FAM168A: variants seen among roughly 807,000 people sequenced by gnomAD.
The protein encoded by FAM168A is protein FAM168A.
A neutral mutation model predicts 28.5 loss-of-function variants in FAM168A; 3 were observed. The ratio of observed to expected loss-of-function variants is 0.11; its 90% CI spans 0.05 to 0.27. FAM168A has a LOEUF of 0.27. Ranked by LOEUF, FAM168A falls within the 10% of genes least tolerant of loss-of-function variation. The pLI is 1.00. For missense variants in FAM168A, 222 were observed against 311.5 expected (o/e 0.71, Z 2.16); for synonymous variants, 122 against 124.2 (o/e 0.98, Z 0.12).
At chr11:73,529,672 G>A (rs1026398449) in intron 1 of FAM168A, among the ~76,000 whole-genome samples, 4 of 152,134 alleles carry the variant, frequency 2.6e-5, no homozygotes, top group Admixed American at 1.3e-4. Context: ...AGAGCTTCTA[G>A]GGAGGATGCC....
chr11:73,455,649 C>T lies in FAM168A; in HGVS notation c.70+12756G>A, dbSNP rs562619356. Among the ~76,000 whole-genome samples, 139 of 152,288 alleles carry T rather than the reference C, an allele frequency of 9.1e-4. 2 individuals carry two copies. The South Asian group carries it at 0.028, about 31-fold the overall frequency. On this transcript the variant is annotated intron_variant, in intron 2 of 7. Transcript: ENST00000356467. ...ACCATAAACAAAGAACACACAATCA[C>T]TGTGTGTATGAGTCTTTATAAAACT... is the stretch of plus-strand genomic sequence containing the variant.
chr11:73,543,910 G>C (rs1246787323), intron 1 of FAM168A, among the ~76,000 whole-genome samples: 2 of 152,044 alleles, frequency 1.3e-5, no homozygotes, highest in African/African-American at 4.8e-5. Flanking sequence ...AGGAAGATCT[G>C]CTCAAGCCCA....
intron 2 of FAM168A, among the ~76,000 whole-genome samples, chr11:73,462,300 G>A (rs1015282035): frequency 5.9e-5 from 9 of 152,140 alleles, no homozygotes; most frequent in Non-Finnish European, 1.0e-4. Context: ...CCTGACACAC[G>A]GATGAAACCT....
intron 1 of FAM168A, among the ~76,000 whole-genome samples, chr11:73,530,469 T>A (rs532838400): frequency 2.6e-5 from 4 of 152,258 alleles, no homozygotes; most frequent in African/African-American, 7.2e-5. Flanking sequence ...GCAGCGACTC[T>A]CCAGGTTCTG....
At chr11:73,565,542 G>T (rs968237173) in intron 1 of FAM168A, among the ~76,000 whole-genome samples, 3 of 152,170 alleles carry the variant, frequency 2.0e-5, no homozygotes, top group Non-Finnish European at 2.9e-5. Flanking sequence ...TCTGTAAAAT[G>T]GGAAACATTA....
chr11:73,439,079 T>C (rs909615824), intron 2 of FAM168A, among the ~76,000 whole-genome samples: 46 of 151,944 alleles, frequency 3.0e-4, no homozygotes, highest in African/African-American at 1.1e-3. Flanking sequence ...CTGCTGAGAG[T>C]GCTATACTGG....
chr11:73,580,406 C>T (rs1187504852), intron 1 of FAM168A: 9 of 619,686 alleles, frequency 1.5e-5, no homozygotes, highest in South Asian at 2.7e-5. Context: ...AGAGAAGGTA[C>T]CCAAAGGGAA....
chr11:73,437,340 C>T (rs1867107124), intron 2 of FAM168A, among the ~76,000 whole-genome samples: 1 of 151,802 alleles, frequency 6.6e-6, no homozygotes, highest in African/African-American at 2.4e-5. Context: ...TCGTGATCCA[C>T]CCACCTCGGC....
rs573405550 is a variant in FAM168A, at chr11:73,406,020, C to T, written c.*743G>A. On this transcript the variant is annotated 3_prime_UTR_variant, in exon 8 of 8. Transcript: ENST00000356467. ...ACTGTGCAAATCAGAAGGTCCAGGG[C>T]CAGATGCTTTGGCCAGAGACCTTTC... The T allele has an allele frequency of 1.3e-5, 2 of 152,752 alleles. No homozygotes were observed. Among genetic ancestry groups the T allele is most frequent in the East Asian group, 1.9e-4 (1 of 5,186 alleles). 9.5% of individuals were successfully genotyped at this position (152,752 alleles called of 1,614,324 possible). A position where few individuals can be genotyped will look rare whatever the true frequency, so the allele number is the denominator to read the frequency against.
At chr11:73,592,872 C>CAA (rs35686813) in intron 1 of FAM168A, among the ~76,000 whole-genome samples, 1 of 144,020 alleles carries the variant, frequency 6.9e-6, no homozygotes, top group African/African-American at 2.6e-5. Context: ...CTGTCTCTAC[C>CAA]AAAAAAAAAA....
intron 1 of FAM168A, among the ~76,000 whole-genome samples, chr11:73,575,923 T>G (rs893828039): frequency 6.6e-6 from 1 of 152,058 alleles, no homozygotes; most frequent in Non-Finnish European, 1.5e-5. Context: ...ATGTCTAGCA[T>G]GTGTAGCTAT....
intron 1 of FAM168A, among the ~76,000 whole-genome samples, chr11:73,521,351 T>C (rs1254279813): frequency 6.6e-6 from 1 of 152,074 alleles, no homozygotes; most frequent in Non-Finnish European, 1.5e-5. Flanking sequence ...ACAAGAGAGC[T>C]GAGACACAAC....
intron 1 of FAM168A, among the ~76,000 whole-genome samples, chr11:73,487,156 G>A (rs1010900457): frequency 6.6e-6 from 1 of 151,850 alleles, no homozygotes; most frequent in Non-Finnish European, 1.5e-5. Context: ...ATCCTATGTG[G>A]CTCTGTACAT....
intron 1 of FAM168A, among the ~76,000 whole-genome samples, chr11:73,515,480 C>T (rs536086270): frequency 6.9e-6 from 1 of 144,910 alleles, no homozygotes; most frequent in African/African-American, 2.6e-5. Flanking sequence ...TGCACTCTAG[C>T]TGCGGTAACA....
At chr11:73,546,025 G>A (rs1285924045) in intron 1 of FAM168A, among the ~76,000 whole-genome samples, 1 of 151,952 alleles carries the variant, frequency 6.6e-6, no homozygotes, top group African/African-American at 2.4e-5. Context: ...CTCAATCTAG[G>A]GCTCTTTCTT....
intron 1 of FAM168A, chr11:73,580,163 G>A: frequency 2.6e-6 from 1 of 379,972 alleles, no homozygotes; most frequent in Non-Finnish European, 5.1e-6. Flanking sequence ...AAGAAGAGGT[G>A]AGAACGACCC....
At chr11:73,594,265 A>C (rs1461867906) in intron 1 of FAM168A, among the ~76,000 whole-genome samples, 9 of 150,982 alleles carry the variant, frequency 6.0e-5, no homozygotes, top group African/African-American at 2.2e-4. Context: ...ACACCCAGCA[A>C]ATTTTTTTTT....
intron 1 of FAM168A, among the ~76,000 whole-genome samples, chr11:73,549,480 T>C (rs1332417360): frequency 2.6e-5 from 4 of 152,228 alleles, no homozygotes; most frequent in African/African-American, 4.8e-5. Flanking sequence ...GACTACTGTA[T>C]TGGACAGCAT....
chr11:73,532,820 T>C lies in FAM168A; in HGVS notation c.-18-64328A>G, dbSNP rs1565286339. On this transcript the variant is annotated intron_variant, in intron 1 of 7. Coordinates refer to ENST00000356467, the MANE Select transcript of FAM168A (RefSeq NM_015159.3). ...CGCAATCAGAGAGCAGGAGTTGGAG[T>C]CAAAAGAAGAGAATGAGTCCCAGAC... is the stretch of plus-strand genomic sequence containing the variant. Among the ~76,000 whole-genome samples the C allele has an allele frequency of 5.3e-5, 8 of 152,152 alleles. No individual in the cohort carries two copies. The South Asian group carries it at 1.5e-3, about 28-fold the overall frequency.
Sources: allele counts gnomAD v4.1 joint callset (sites outside exome capture counted in the v4.1 genomes callset), GRCh38; gene constraint gnomAD v4.1.1; transcripts MANE v1.5; gene names NCBI Gene and HGNC (gene_info 2026-07-23, HGNC 2026-07-21).